VWA7: variants seen among roughly 807,000 people sequenced by gnomAD.
VWA7 encodes the protein von Willebrand factor A domain containing 7, also known as von Willebrand factor A domain-containing protein 7.
VWA7 carries 66 observed loss-of-function variants against 83.1 expected under a neutral mutation model. That is an observed-to-expected ratio of 0.79 (90% CI 0.65 to 0.98). The LOEUF (loss-of-function observed/expected upper bound fraction) is 0.98. VWA7 is among the 50% of genes least tolerant of loss of function. The pLI, the probability that VWA7 is intolerant of heterozygous loss-of-function variation, is 0.00. For synonymous variants in VWA7, 424 were observed against 488.5 expected (o/e 0.87, Z 1.74); for missense variants, 1,080 against 1,160.2 (o/e 0.93, Z 1.00).
intron 10 of VWA7, among the ~76,000 whole-genome samples, chr6:31,768,156 A>G (rs1224178151): frequency 6.6e-6 from 1 of 150,592 alleles, no homozygotes; most frequent in South Asian, 2.1e-4. Flanking sequence ...AAAAAAAAAA[A>G]AAAAAAGAAA....
chr6:31,768,139 C>CAAAAAAAAAAAAAAA (rs9279412), intron 10 of VWA7, among the ~76,000 whole-genome samples: 4 of 77,102 alleles, frequency 5.2e-5, no homozygotes, highest in African/African-American at 1.5e-4. Flanking sequence ...GACTCTGTCT[C>CAAAAAAAAAAAAAAA]AAAAAAAAAA....
chr6:31,768,877 A>AG, intron 10 of VWA7, 141 bp downstream of exon 10: 1 of 960,018 alleles, frequency 1.0e-6, no homozygotes, highest in Non-Finnish European at 1.5e-6. Flanking sequence ...CATGGATCTA[A>AG]GAGGAAGAGA....
intron 7 of VWA7, 136 bp from the exon 8 acceptor site, chr6:31,770,249 G>T: frequency 1.4e-6 from 1 of 693,082 alleles, no homozygotes; most frequent in Non-Finnish European, 2.4e-6. Flanking sequence ...TCCATTATAA[G>T]ACTCATACTT....
intron 10 of VWA7, among the ~76,000 whole-genome samples, chr6:31,768,139 C>CAAAAAAAAAAAAA (rs9279412): frequency 3.9e-5 from 3 of 77,102 alleles, no homozygotes; most frequent in African/African-American, 5.2e-5. Flanking sequence ...GACTCTGTCT[C>CAAAAAAAAAAAAA]AAAAAAAAAA....
Position 31,776,803 on chromosome 6 carries a change from CA to C in VWA7, c.-15-10del. 7.5e-7 allele frequency: 1 copy of C among 1,341,758 alleles called. No individual in the cohort carries two copies. Among genetic ancestry groups the C allele is most frequent in the Non-Finnish European group, 9.7e-7 (1 of 1,026,846 alleles). The allele number at this position is 1,341,758 out of a possible 1,614,324, so 83.1% of individuals were successfully genotyped here. On this transcript the variant is annotated splice_polypyrimidine_tract_variant and intron_variant, in intron 1 of 16. Transcript: ENST00000375688. The surrounding 1 kb of genome is among the most constrained non-coding windows in gnomAD (Gnocchi z 6.2). ...ATGGCTGAGACATGGACCTGGGAGACAGAAGGCTCTCAAGGGAGGAGGAAGC... is the reference window on the plus strand; with the variant it reads ...ATGGCTGAGACATGGACCTGGGAGACGAAGGCTCTCAAGGGAGGAGGAAGC...
At position 31,776,666 on chromosome 6, in the gene VWA7, A is replaced by G. The variant is rs1229797919; in HGVS notation, c.114T>C (p.Ala38=). Residue 38 remains alanine, a synonymous_variant, in exon 2 of 17, where the codon GCT becomes GCC. Transcript: ENST00000375688. This position sits in a 1 kb window ranked among gnomAD's most constrained non-coding sequence, Gnocchi z 6.2. ...AFFPNIWSLL[A]APGSITHQDL... ...CTTGGTGGGTGATGGAGCCAGGGGC[A>G]GCCAGCAGGCTCCAGATGTTGGGGA... The G allele has an allele frequency of 6.5e-7, 1 of 1,542,230 alleles. No homozygotes were observed. Among genetic ancestry groups the G allele is most frequent in the African/African-American group, 1.4e-5 (1 of 72,854 alleles).
intron 4 of VWA7, 139 bp from the exon 5 acceptor site, chr6:31,774,765 C>A: frequency 1.5e-6 from 1 of 670,028 alleles, no homozygotes; most frequent in Non-Finnish European, 2.5e-6. Context: ...GCTTTCTGAA[C>A]TAAAACCTAG....
Position 31,777,119 on chromosome 6 carries a change from G to A in VWA7, c.-26C>T, listed in dbSNP as rs544078719. The stretch of plus-strand genomic sequence containing the variant: ...CAGGCCCTCCCCTACCTGGTTGCTG[G>A]GTCTCCTGGGCAGGGCTGGCCCGGG... On this transcript the variant is annotated 5_prime_UTR_variant, in exon 1 of 17. Coordinates refer to ENST00000375688, the MANE Select transcript of VWA7 (RefSeq NM_025258.3). The surrounding 1 kb of genome is among the most constrained non-coding windows in gnomAD (Gnocchi z 5.8). The A allele has an allele frequency of 2.7e-6, 1 of 368,836 alleles. No individual in the cohort carries two copies. Among genetic ancestry groups the A allele is most frequent in the East Asian group, 4.3e-5 (1 of 23,452 alleles). The allele number at this position is 368,836 out of a possible 1,614,324, so 22.8% of individuals were successfully genotyped here. A position where few individuals can be genotyped will look rare whatever the true frequency, so the allele number is the denominator to read the frequency against.
At chr6:31,774,477 T>G in intron 5 of VWA7, 39 bp downstream of exon 5, 3 of 1,576,092 alleles carry the variant, frequency 1.9e-6, no homozygotes, top group Non-Finnish European at 2.6e-6. Context: ...AGGGAATGAC[T>G]TTCTCCCCTT....
chr6:31,767,484 C>T lies in VWA7; in HGVS notation c.1667G>A (p.Gly556Asp), dbSNP rs1323342302. 1.9e-6 allele frequency: 3 copies of T among 1,611,542 alleles called. No individual in the cohort carries two copies. The highest frequency in any genetic ancestry group is 2.5e-6 in the Non-Finnish European group (3 of 1,178,584). ...AAAGCGGCGAGTGTGACCTAGAGGACCCCCGCCTTCCTCCTGGCCCTGGGA... is the reference window on the plus strand; with the variant it reads ...AAAGCGGCGAGTGTGACCTAGAGGATCCCCGCCTTCCTCCTGGCCCTGGGA... ...GVSQGQEEGG[G>D]PLGHTRRFGQ... Residue 556 changes from glycine (G) to aspartate (D), a missense_variant, in exon 12 of 17, where the codon GGT becomes GAT. By Grantham distance (94) the Gly-to-Asp change is moderately conservative (BLOSUM62 -1). Transcript: ENST00000375688.
rs138966998 is a variant in VWA7 at position 31,770,012 on chromosome 6, A to T, written c.1189T>A (p.Ser397Thr). ...GGGAGGGGCCAGACCTGCAGGGCTGACAGGCACATCTCAGGCTCGTCTCCA... is the reference window on the plus strand; with the variant it reads ...GGGAGGGGCCAGACCTGCAGGGCTGTCAGGCACATCTCAGGCTCGTCTCCA... ...GGGDEPEMCLSALQLALLHTP... is the reference protein window; with the variant it reads ...GGGDEPEMCLTALQLALLHTP... The change falls in exon 8 of 17, where the codon TCA (serine) becomes ACA (threonine). Residue 397 changes from serine (S) to threonine (T), a missense_variant. Physicochemically the swap from Ser to Thr is moderately conservative, Grantham distance 58. Transcript: ENST00000375688. 6 of 1,612,774 alleles carry T rather than the reference A, an allele frequency of 3.7e-6. No homozygotes were observed. The African/African-American group carries it at 8.0e-5, about 22-fold the overall frequency.
At position 31,777,066 on chromosome 6, in the gene VWA7, C is replaced by A. The variant is rs1231053631; in HGVS notation, c.-16+43G>T. 1 of 408,162 alleles carries A rather than the reference C, an allele frequency of 2.5e-6. No homozygotes were observed. The highest frequency in any genetic ancestry group is 4.3e-6 in the Non-Finnish European group (1 of 230,504). The allele number at this position is 408,162 out of a possible 1,614,324, so 25.3% of individuals were successfully genotyped here. A position where few individuals can be genotyped will look rare whatever the true frequency, so the allele number is the denominator to read the frequency against. ...TCCCCAGCCCTGCCGCAGAAACACT[C>A]CCCATGCTCAGGAAGCCTGAGTCCT... On this transcript the variant is annotated intron_variant, in intron 1 of 16. Coordinates refer to ENST00000375688, the MANE Select transcript of VWA7 (RefSeq NM_025258.3). The surrounding 1 kb of genome is among the most constrained non-coding windows in gnomAD (Gnocchi z 5.8).
At position 31,767,535 on chromosome 6, in the gene VWA7, G is replaced by A. The variant is rs141523529; in HGVS notation, c.1637-21C>T. 3.1e-6 allele frequency: 5 copies of A among 1,601,622 alleles called. No individual in the cohort carries two copies. In the African/African-American group the frequency reaches 4.0e-5, roughly 13 times the overall value. Reference sequence around the variant, plus strand: ...GACCCCTGGGGTCAGGGAAGAGATTGTCACATGAAGCACTTGCTCTCCTTG... The same window carrying A: ...GACCCCTGGGGTCAGGGAAGAGATTATCACATGAAGCACTTGCTCTCCTTG... On this transcript the variant is annotated intron_variant, in intron 11 of 16. Coordinates refer to ENST00000375688, the MANE Select transcript of VWA7 (RefSeq NM_025258.3).
intron 7 of VWA7, among the ~76,000 whole-genome samples, chr6:31,770,324 G>A (rs1395783451): frequency 6.6e-6 from 1 of 151,874 alleles, no homozygotes; most frequent in Non-Finnish European, 1.5e-5. Context: ...GGTGGATCAT[G>A]AGGTCAAGAG....
intron 7 of VWA7, chr6:31,771,680 T>G (rs1291154018): frequency 6.6e-6 from 1 of 152,060 alleles, no homozygotes; most frequent in African/African-American, 2.4e-5. Context: ...CCAATCTCTG[T>G]CTATAGGAAA....
rs1442938143 is a variant in VWA7 at position 31,766,282 on chromosome 6, C to T, written c.2287G>A (p.Val763Ile). Residue 763 changes from valine (V) to isoleucine (I), a missense_variant, in exon 15 of 17, where the codon GTC becomes ATC. Transcript: ENST00000375688. The surrounding 1 kb of genome is among the most constrained non-coding windows in gnomAD (Gnocchi z 4.9). ...GAGGTGAGGGAGAAGCTGGGGTTGA[C>T]GAAAGTCCTAAGGTCAAGATCCTGA... Reference protein sequence around the residue: ...GPQDLDLRTFVNPSFSLTSNL... With the variant: ...GPQDLDLRTFINPSFSLTSNL... 4.3e-6 allele frequency: 7 copies of T among 1,612,456 alleles called. No homozygotes were observed. Among genetic ancestry groups the T allele is most frequent in the South Asian group, 3.3e-5 (3 of 90,946 alleles).
chr6:31,773,515 T>A lies in VWA7; in HGVS notation c.722-78A>T. ...TAAGAAAATGAGGCCCTTTCAGGCC[T>A]GGCCTGACCCTCTCACCCCTCAGCA... On this transcript the variant is annotated intron_variant, in intron 5 of 16. Transcript: ENST00000375688. This position sits in a 1 kb window ranked among gnomAD's most constrained non-coding sequence, Gnocchi z 5.3. The A allele has an allele frequency of 4.4e-6, 6 of 1,360,314 alleles. No homozygotes were observed. The highest frequency in any genetic ancestry group is 5.9e-6 in the Non-Finnish European group (6 of 1,015,592). The allele number at this position is 1,360,314 out of a possible 1,614,324, so 84.3% of individuals were successfully genotyped here. A position where few individuals can be genotyped will look rare whatever the true frequency, so the allele number is the denominator to read the frequency against.
chr6:31,773,376 G>A lies in VWA7; in HGVS notation c.783C>T (p.Ile261=), dbSNP rs1812386501. 6.2e-7 allele frequency: 1 copy of A among 1,607,196 alleles called. No homozygotes were observed. The change falls in exon 6 of 17, where the codon ATC becomes ATT. Residue 261 remains isoleucine, a synonymous_variant. Transcript: ENST00000375688. The surrounding 1 kb of genome is among the most constrained non-coding windows in gnomAD (Gnocchi z 5.3). ...RSSSQPPRGG[I]NKDSTSPGFS... is the part of the protein sequence containing the mutation. ...AGCCTGGGGATGTGCTGTCCTTGTTGATGCCTCCCCTCGGTGGCTGGGAGC... is the reference window on the plus strand; with the variant it reads ...AGCCTGGGGATGTGCTGTCCTTGTTAATGCCTCCCCTCGGTGGCTGGGAGC...
At position 31,765,627 on chromosome 6, in the gene VWA7, C is replaced by T. The variant is rs1329511139; in HGVS notation, c.2643G>A (p.Gly881=). The change falls in exon 17 of 17, where the codon GGG becomes GGA. Residue 881 remains glycine (G), a synonymous_variant. Coordinates refer to ENST00000375688, the MANE Select transcript of VWA7 (RefSeq NM_025258.3). ...AGGCCAGGCCTAGCAGAAGCAGCAC[C>T]CCTCCAACTGTGCCCCACCAGGGGC... is the stretch of plus-strand genomic sequence containing the variant. The part of the protein sequence containing the change: ...AGSPWWGTVG[G]VLLLLGLASW The T allele has an allele frequency of 1.9e-6, 3 of 1,611,070 alleles. No individual in the cohort carries two copies. The highest frequency in any genetic ancestry group is 2.2e-5 in the East Asian group (1 of 44,860).
Sources: gnomAD v4.1 joint callset for allele counts (sites outside exome capture counted in the v4.1 genomes callset) on GRCh38, gnomAD v4.1.1 for gene constraint, Gnocchi (gnomAD v3.1) non-coding constraint, MANE v1.5 for transcripts, NCBI Gene and HGNC (gene_info 2026-07-23, HGNC 2026-07-21) for gene names.